The following TCEA3 variants were observed in gnomAD, a reference collection of about 807,000 sequenced individuals.
TCEA3 encodes the protein transcription elongation factor A protein 3.
A neutral mutation model predicts 44.0 loss-of-function variants in TCEA3; 36 were observed. The ratio of observed to expected loss-of-function variants is 0.82; its 90% CI spans 0.63 to 1.08. The LOEUF (loss-of-function observed/expected upper bound fraction) is 1.08, where lower values mean the gene tolerates loss of function less well. Ranked by LOEUF, TCEA3 falls within the 50% of genes least tolerant of loss-of-function variation. The probability of loss-of-function intolerance (pLI) is 0.00; values close to 1 mark genes in which losing one functional copy is unlikely to be tolerated. For synonymous variants in TCEA3, 162 were observed against 159.7 expected (o/e 1.01, Z -0.11); for missense variants, 392 against 441.2 (o/e 0.89, Z 1.00).
At chr1:23,405,545 G>A (rs547601725) in intron 5 of TCEA3, among the ~76,000 whole-genome samples, 1 of 151,766 alleles carries the variant, frequency 6.6e-6, no homozygotes, top group Admixed American at 6.6e-5. Flanking sequence ...GCACTGAGCC[G>A]AGATCGTGCC....
At chr1:23,400,807 C>G (rs1639376110) in intron 5 of TCEA3, among the ~76,000 whole-genome samples, 1 of 152,124 alleles carries the variant, frequency 6.6e-6, no homozygotes. Context: ...TTTCCTCACT[C>G]CAGGAGGCAC....
chr1:23,400,336 G>T (rs1639360914), intron 5 of TCEA3, among the ~76,000 whole-genome samples: 1 of 149,872 alleles, frequency 6.7e-6, no homozygotes, highest in African/African-American at 2.5e-5. Flanking sequence ...CTCCCAAGTA[G>T]CTAGGACTGA....
chr1:23,404,552 T>C (rs1486378264), intron 5 of TCEA3, among the ~76,000 whole-genome samples: 5 of 151,784 alleles, frequency 3.3e-5, no homozygotes, highest in Admixed American at 3.3e-4. Context: ...AAGGGAGAGG[T>C]GATGAGTTTC....
At chr1:23,417,774 T>C (rs565474285) in intron 3 of TCEA3, 130 bp downstream of exon 3, 1 of 823,730 alleles carries the variant, frequency 1.2e-6, no homozygotes, top group African/African-American at 1.7e-5. Flanking sequence ...ACCTCCCGGA[T>C]CCAGAGGCCA....
At chr1:23,422,835 C>T (rs1640104057) in intron 1 of TCEA3, among the ~76,000 whole-genome samples, 1 of 152,172 alleles carries the variant, frequency 6.6e-6, no homozygotes, top group South Asian at 2.1e-4. Context: ...TGGCTTTTGC[C>T]TAGGGCCATA....
intron 7 of TCEA3, among the ~76,000 whole-genome samples, chr1:23,397,175 C>T (rs1446493190): frequency 6.6e-6 from 1 of 152,150 alleles, no homozygotes; most frequent in Non-Finnish European, 1.5e-5. Context: ...CGCTGAGCCT[C>T]CAGGTTCCAG....
intron 5 of TCEA3, chr1:23,403,923 T>C (rs931926699): frequency 3.6e-5 from 20 of 556,314 alleles, no homozygotes; most frequent in African/African-American, 3.6e-4. Context: ...GCCACACTCA[T>C]TTTGCTTTCA....
At position 23,418,104 on chromosome 1, in the gene TCEA3, C is replaced by G. The variant is rs193207813; in HGVS notation, c.133-95G>C. The G allele has an allele frequency of 8.8e-5, 107 of 1,214,358 alleles. No homozygotes were observed. The African/African-American group carries it at 1.2e-3, about 13-fold the overall frequency. The allele number at this position is 1,214,358 out of a possible 1,614,324, so 75.2% of individuals were successfully genotyped here. ...TCCTGCCCCAGCTCTACCACCACCT[C>G]CCCTTCCAACCTGGACCCCCAGAGT... On this transcript the variant is annotated intron_variant, in intron 2 of 10. Coordinates refer to ENST00000450454, the MANE Select transcript of TCEA3 (RefSeq NM_003196.3).
intron 4 of TCEA3, among the ~76,000 whole-genome samples, chr1:23,416,890 T>G (rs1209293679): frequency 2.0e-5 from 3 of 152,248 alleles, no homozygotes; most frequent in Non-Finnish European, 4.4e-5. Flanking sequence ...ATACCCGCTG[T>G]GGTCTTGTTT....
At chr1:23,399,110 C>T (rs1199353948) in intron 5 of TCEA3, among the ~76,000 whole-genome samples, 1 of 131,536 alleles carries the variant, frequency 7.6e-6, no homozygotes, top group Non-Finnish European at 1.6e-5. Flanking sequence ...TAAGAATTAT[C>T]TCATTCAGGT....
At position 23,408,434 on chromosome 1, in the gene TCEA3, T is replaced by C. The variant is rs1320697517; in HGVS notation, c.443+230A>G. 11 of 470,776 alleles carry C rather than the reference T, an allele frequency of 2.3e-5. No individual in the cohort carries two copies. The Admixed American group carries it at 4.0e-4, about 17-fold the overall frequency. The allele number at this position is 470,776 out of a possible 1,614,324, so 29.2% of individuals were successfully genotyped here. A position where few individuals can be genotyped will look rare whatever the true frequency, so the allele number is the denominator to read the frequency against. On this transcript the variant is annotated intron_variant, in intron 5 of 10. Transcript: ENST00000450454. ...ATGGATGAATGAATAAATGAATGAA[T>C]ACATGATGAATTGAAGAATTGACCA...
At chr1:23,422,980 T>C (rs1208489627) in intron 1 of TCEA3, among the ~76,000 whole-genome samples, 1 of 152,186 alleles carries the variant, frequency 6.6e-6, no homozygotes, top group Non-Finnish European at 1.5e-5. Context: ...ATTTCTTTCC[T>C]GGCCCAAGCT....
At chr1:23,422,680 A>C (rs1407178437) in intron 1 of TCEA3, among the ~76,000 whole-genome samples, 1 of 152,104 alleles carries the variant, frequency 6.6e-6, no homozygotes, top group Non-Finnish European at 1.5e-5. Flanking sequence ...AACTGGCTCC[A>C]TGCTGCAGGG....
intron 8 of TCEA3, among the ~76,000 whole-genome samples, chr1:23,391,217 AT>A (rs1036591615): frequency 3.7e-5 from 5 of 136,070 alleles, no homozygotes. Flanking sequence ...GGTTCAAGCG[AT>A]TCTCCTGCCT....
chr1:23,401,426 C>T (rs993027171), intron 5 of TCEA3, among the ~76,000 whole-genome samples: 1 of 152,106 alleles, frequency 6.6e-6, no homozygotes, highest in Non-Finnish European at 1.5e-5. Context: ...CCCTGCCTGA[C>T]AACTGGGTTG....
At chr1:23,414,614 G>A (rs1399662635) in intron 4 of TCEA3, among the ~76,000 whole-genome samples, 2 of 152,016 alleles carry the variant, frequency 1.3e-5, no homozygotes, top group African/African-American at 4.8e-5. Context: ...GGTTGGCCAG[G>A]CTTGTCTTGA....
intron 10 of TCEA3, among the ~76,000 whole-genome samples, chr1:23,382,332 G>A (rs969110066): frequency 6.6e-6 from 1 of 152,152 alleles, no homozygotes; most frequent in African/African-American, 2.4e-5. Flanking sequence ...GAGCCACTGC[G>A]CCTGGCCTAT....
chr1:23,420,820 G>A (rs1640040493), intron 1 of TCEA3, among the ~76,000 whole-genome samples: 1 of 152,162 alleles, frequency 6.6e-6, no homozygotes, highest in Admixed American at 6.5e-5. Context: ...TCTGTGAGCT[G>A]CCAGGCCCTG....
At chr1:23,418,975 A>T in intron 2 of TCEA3, 102 bp downstream of exon 2, 1 of 295,514 alleles carries the variant, frequency 3.4e-6, no homozygotes, top group Non-Finnish European at 4.4e-6. Context: ...GGCCCCCCTC[A>T]GAAATTCCTC....
Sources: gnomAD v4.1 joint callset for allele counts (sites outside exome capture counted in the v4.1 genomes callset) on GRCh38, gnomAD v4.1.1 for gene constraint, MANE v1.5 for transcripts, NCBI Gene and HGNC (gene_info 2026-07-23, HGNC 2026-07-21) for gene names.